The following TSHZ2 variants were observed in gnomAD, a reference collection of about 807,000 sequenced individuals.
TSHZ2 encodes teashirt zinc finger homeobox 2, also known as teashirt homolog 2.
TSHZ2 carries 21 observed loss-of-function variants against 74.4 expected under a neutral mutation model. The ratio of observed to expected loss-of-function variants is 0.28; its 90% CI spans 0.20 to 0.41. The LOEUF (loss-of-function observed/expected upper bound fraction) is 0.41, where lower values mean the gene tolerates loss of function less well. Among genes scored for constraint, TSHZ2 ranks in the 10% least tolerant of loss-of-function variants. TSHZ2 has a pLI of 1.00. For synonymous variants in TSHZ2, 540 were observed against 515.3 expected (o/e 1.05, Z -0.65); for missense variants, 1,244 against 1,293.5 (o/e 0.96, Z 0.59).
chr20:53,190,138 T>TATATATATATA (rs1568803559), intron 1 of TSHZ2, among the ~76,000 whole-genome samples: 225 of 101,558 alleles, frequency 2.2e-3, no homozygotes, highest in Non-Finnish European at 3.1e-3. Flanking sequence ...TATATATATA[T>TATATATATATA]TTTCTTAAAT....
At chr20:53,208,768 T>G (rs1315441041) in intron 1 of TSHZ2, 1 of 152,226 alleles carries the variant, frequency 6.6e-6, no homozygotes, top group African/African-American at 2.4e-5. Context: ...TTCTAGAACC[T>G]CACCCCCACG....
At chr20:53,451,568 T>C (rs1203844930) in intron 2 of TSHZ2, among the ~76,000 whole-genome samples, 2 of 152,192 alleles carry the variant, frequency 1.3e-5, no homozygotes, top group Non-Finnish European at 2.9e-5. Flanking sequence ...TTTATCTGGG[T>C]AACTTAGTTT....
intron 2 of TSHZ2, among the ~76,000 whole-genome samples, chr20:53,472,364 G>C (rs999319296): frequency 2.0e-5 from 3 of 152,174 alleles, no homozygotes; most frequent in Non-Finnish European, 1.5e-5. Flanking sequence ...CGAGGGAGGA[G>C]TGAGGGCACA....
At chr20:53,439,501 A>G (rs1167093101) in intron 2 of TSHZ2, among the ~76,000 whole-genome samples, 2 of 152,218 alleles carry the variant, frequency 1.3e-5, no homozygotes, top group Non-Finnish European at 2.9e-5. Flanking sequence ...TAAAAGCAGG[A>G]TCAGTTAATA....
intron 1 of TSHZ2, among the ~76,000 whole-genome samples, chr20:53,246,084 G>A (rs1359903486): frequency 6.9e-6 from 1 of 145,046 alleles, no homozygotes; most frequent in African/African-American, 2.6e-5. Context: ...ATCTTGGACA[G>A]GCTGGAATGC....
chr20:53,038,250 T>A (rs1349896210), intron 1 of TSHZ2, among the ~76,000 whole-genome samples: 1 of 144,390 alleles, frequency 6.9e-6, no homozygotes, highest in Non-Finnish European at 1.5e-5. Flanking sequence ...GCCCAGAATT[T>A]GAATGTTGTA....
chr20:53,278,294 G>T (rs929867627), intron 2 of TSHZ2, among the ~76,000 whole-genome samples: 1 of 152,172 alleles, frequency 6.6e-6, no homozygotes, highest in Non-Finnish European at 1.5e-5. Flanking sequence ...ATTCTGAAAT[G>T]GTAGGTAGCC....
chr20:53,181,041 C>T (rs923582953), intron 1 of TSHZ2, among the ~76,000 whole-genome samples: 3 of 152,154 alleles, frequency 2.0e-5, no homozygotes, highest in Admixed American at 1.3e-4. Flanking sequence ...CCCACCATTT[C>T]TCACCTTTCT....
chr20:53,109,655 G>A lies in TSHZ2; in HGVS notation c.40+136322G>A, dbSNP rs147429719. On this transcript the variant is annotated intron_variant, in intron 1 of 2. Coordinates refer to ENST00000371497, the MANE Select transcript of TSHZ2 (RefSeq NM_173485.6). ...TGCAGTGTTGCAATGGAGTTTCATC[G>A]ATATTTCCCTTTCTAAAAGAATCAT... 5.2e-3 allele frequency among the ~76,000 whole-genome samples: 785 copies of A among 152,208 alleles called. 8 individuals carry two copies. Among genetic ancestry groups the A allele is most frequent in the African/African-American group, 0.018 (747 of 41,526 alleles).
At chr20:53,069,146 A>G (rs1406325199) in intron 1 of TSHZ2, among the ~76,000 whole-genome samples, 2 of 152,198 alleles carry the variant, frequency 1.3e-5, no homozygotes, top group Non-Finnish European at 2.9e-5. Flanking sequence ...ATTAGTTGTC[A>G]TTCAGTTGGG....
At chr20:53,166,782 TAATAA>T (rs1413627012) in intron 1 of TSHZ2, among the ~76,000 whole-genome samples, 1 of 151,770 alleles carries the variant, frequency 6.6e-6, no homozygotes, top group African/African-American at 2.4e-5. Context: ...AAAATAATAA[TAATAA>T]AATAAAAAAT....
rs58001328 is a variant in TSHZ2 at position 53,192,292 on chromosome 20, T to TAA, written c.41-61193_41-61192dup. 4.5e-3 allele frequency among the ~76,000 whole-genome samples: 614 copies of TAA among 137,026 alleles called. 2 individuals are homozygous for TAA. The highest frequency in any genetic ancestry group is 9.9e-3 in the East Asian group (48 of 4,826). The allele number at this position is 137,026 out of a possible 152,430, so 89.9% of individuals were successfully genotyped here. ...CACGCTGTTCTAACCCTTCTCTGGCTAAAAAAAAAAAAAAACAAAAAAACA... is the reference window on the plus strand; with the variant it reads ...CACGCTGTTCTAACCCTTCTCTGGCTAAAAAAAAAAAAAAAAACAAAAAAACA... On this transcript the variant is annotated intron_variant, in intron 1 of 2. Coordinates refer to ENST00000371497, the MANE Select transcript of TSHZ2 (RefSeq NM_173485.6).
chr20:53,032,290 G>A (rs1189188731), intron 1 of TSHZ2, among the ~76,000 whole-genome samples: 4 of 152,176 alleles, frequency 2.6e-5, no homozygotes, highest in African/African-American at 7.2e-5. Context: ...CATGCAGGAC[G>A]ATTACGTTTG....
chr20:53,278,208 G>A (rs762638213), intron 2 of TSHZ2, among the ~76,000 whole-genome samples: 10 of 152,148 alleles, frequency 6.6e-5, no homozygotes, highest in Non-Finnish European at 1.5e-4. Context: ...ATCTAAATCA[G>A]TTGTTGTCTG....
intron 2 of TSHZ2, among the ~76,000 whole-genome samples, chr20:53,429,008 C>T (rs1303198158): frequency 6.6e-6 from 1 of 152,182 alleles, no homozygotes; most frequent in Non-Finnish European, 1.5e-5. Context: ...GATGATTCTA[C>T]AGGTAAACAC....
At chr20:53,468,735 A>T (rs1985641129) in intron 2 of TSHZ2, among the ~76,000 whole-genome samples, 1 of 150,862 alleles carries the variant, frequency 6.6e-6, no homozygotes, top group South Asian at 2.1e-4. Flanking sequence ...TCCAACTTGA[A>T]AGCTGAAGGC....
rs1197187479 is a variant in TSHZ2, at chr20:53,256,844, A to G, written c.*8+273A>G. On this transcript the variant is annotated intron_variant, in intron 2 of 2. Coordinates refer to ENST00000371497, the MANE Select transcript of TSHZ2 (RefSeq NM_173485.6). This position sits in a 1 kb window ranked among gnomAD's most constrained non-coding sequence, Gnocchi z 4.3. Reference sequence around the variant, plus strand: ...TGCTTTTTTTAGGCCTTCATCATCCATAATCCTGAATTACCCAAGGCAAGC... The same window carrying G: ...TGCTTTTTTTAGGCCTTCATCATCCGTAATCCTGAATTACCCAAGGCAAGC... Among the ~76,000 whole-genome samples, 3 of 152,236 alleles carry G rather than the reference A, an allele frequency of 2.0e-5. No individual in the cohort carries two copies. The highest frequency in any genetic ancestry group is 1.5e-5 in the Non-Finnish European group (1 of 68,042).
At chr20:52,982,297 T>C (rs1419855719) in intron 1 of TSHZ2, among the ~76,000 whole-genome samples, 12 of 152,208 alleles carry the variant, frequency 7.9e-5, no homozygotes, top group African/African-American at 2.9e-4. Flanking sequence ...TAATTTATTA[T>C]GATCGTTTAT....
At chr20:53,093,243 A>G (rs1985939255) in intron 1 of TSHZ2, among the ~76,000 whole-genome samples, 1 of 152,240 alleles carries the variant, frequency 6.6e-6, no homozygotes, top group African/African-American at 2.4e-5. Flanking sequence ...GACCTGACCC[A>G]GTAAGCACAC....
Sources: allele counts gnomAD v4.1 joint callset (sites outside exome capture counted in the v4.1 genomes callset), GRCh38; gene constraint gnomAD v4.1.1; non-coding constraint Gnocchi (gnomAD v3.1); transcripts MANE v1.5; gene names NCBI Gene and HGNC (gene_info 2026-07-23, HGNC 2026-07-21).